DYTN: variants seen among roughly 807,000 people sequenced by gnomAD.
The protein encoded by DYTN is dystrotelin.
DYTN carries 75 observed loss-of-function variants against 69.6 expected under a neutral mutation model. The ratio of observed to expected loss-of-function variants is 1.08; its 90% CI spans 0.89 to 1.31. DYTN has a LOEUF of 1.31. Ranked by LOEUF, DYTN falls within the 50% of genes most tolerant of loss-of-function variation. The pLI is 0.00. For synonymous variants in DYTN, 252 were observed against 249.1 expected, an observed-to-expected ratio of 1.01 and a Z score of -0.11; for missense variants, 726 against 688.4, an observed-to-expected ratio of 1.05 and a Z score of -0.61.
intron 9 of DYTN, among the ~76,000 whole-genome samples, chr2:206,689,275 A>G (rs919408099): frequency 1.3e-5 from 2 of 152,236 alleles, no homozygotes; most frequent in African/African-American, 2.4e-5. Context: ...CATTGAACGA[A>G]TTCAATATTA....
At chr2:206,689,892 T>C (rs565387872) in intron 9 of DYTN, among the ~76,000 whole-genome samples, 1 of 152,344 alleles carries the variant, frequency 6.6e-6, no homozygotes, top group African/African-American at 2.4e-5. Context: ...AGTCAGTCAG[T>C]CATTCAACAA....
intron 5 of DYTN, among the ~76,000 whole-genome samples, chr2:206,702,820 A>T (rs1376237434): frequency 6.6e-6 from 1 of 152,196 alleles, no homozygotes; most frequent in African/African-American, 2.4e-5. Flanking sequence ...GCCTATAAAG[A>T]TGTGCATAAA....
intron 9 of DYTN, among the ~76,000 whole-genome samples, chr2:206,672,032 C>T (rs540450638): frequency 1.5e-4 from 23 of 152,192 alleles, no homozygotes; most frequent in African/African-American, 2.4e-4. Context: ...CAGGTGCATG[C>T]GCGTACACAC....
rs111237176 is a variant in DYTN, at chr2:206,703,893, C to A, written c.483+950G>T. 3.9e-3 allele frequency among the ~76,000 whole-genome samples: 587 copies of A among 152,286 alleles called. 2 individuals are homozygous for A. Among genetic ancestry groups the A allele is most frequent in the Middle Eastern group, 0.01 (3 of 294 alleles). On this transcript the variant is annotated intron_variant, in intron 5 of 11. Coordinates refer to ENST00000452335, the MANE Select transcript of DYTN (RefSeq NM_001093730.1). ...GTAAGGGTACAACAGGACAACAGCA[C>A]CCACACGCAAGACAATCCAGAGCCT...
At chr2:206,707,272 G>A in intron 3 of DYTN, 30 bp downstream of exon 3, 1 of 1,597,766 alleles carries the variant, frequency 6.3e-7, no homozygotes, top group South Asian at 1.1e-5. Flanking sequence ...CTTTGCCTTT[G>A]AGGTCACAGC....
chr2:206,672,197 T>C (rs1699636963), intron 9 of DYTN, among the ~76,000 whole-genome samples: 2 of 152,240 alleles, frequency 1.3e-5, no homozygotes, highest in Non-Finnish European at 2.9e-5. Flanking sequence ...TAACTTCTTA[T>C]ACGTCAAACA....
chr2:206,682,948 T>G (rs967613744), intron 9 of DYTN, among the ~76,000 whole-genome samples: 1 of 152,114 alleles, frequency 6.6e-6, no homozygotes, highest in Non-Finnish European at 1.5e-5. Context: ...TTAGCCCAAG[T>G]ATACAAGGAA....
chr2:206,716,024 G>T (rs913950306), intron 1 of DYTN, among the ~76,000 whole-genome samples: 3 of 152,142 alleles, frequency 2.0e-5, no homozygotes, highest in African/African-American at 7.2e-5. Context: ...GGAGTTGGAG[G>T]TTGCAGTGAG....
At chr2:206,698,420 G>C (rs1431652604) in intron 7 of DYTN, among the ~76,000 whole-genome samples, 5 of 152,126 alleles carry the variant, frequency 3.3e-5, no homozygotes, top group Admixed American at 2.0e-4. Flanking sequence ...AGGAAGCATG[G>C]GAAGGGAAGG....
At chr2:206,693,051 C>T in intron 9 of DYTN, 124 bp downstream of exon 9, 3 of 1,357,936 alleles carry the variant, frequency 2.2e-6, no homozygotes, top group Non-Finnish European at 2.9e-6. Flanking sequence ...GAAGTCCAAC[C>T]CTCACCCCTC....
At chr2:206,659,484 C>CAAAAAAAAAAAAAA (rs772861150) in intron 11 of DYTN, among the ~76,000 whole-genome samples, 7 of 64,574 alleles carry the variant, frequency 1.1e-4, no homozygotes, top group African/African-American at 3.4e-4. Flanking sequence ...CAACAATTCT[C>CAAAAAAAAAAAAAA]AAAAAAAAAA....
At chr2:206,699,932 C>T (rs780332404) in intron 6 of DYTN, 42 bp from the exon 7 acceptor site, 11 of 1,586,456 alleles carry the variant, frequency 6.9e-6, no homozygotes, top group Non-Finnish European at 9.4e-6. Flanking sequence ...TTAGGCACGA[C>T]TTGATATTTT....
At chr2:206,681,551 A>C (rs996327406) in intron 9 of DYTN, among the ~76,000 whole-genome samples, 2 of 152,128 alleles carry the variant, frequency 1.3e-5, no homozygotes, top group Non-Finnish European at 2.9e-5. Flanking sequence ...ACGTTCCATC[A>C]ATACCTAGTT....
chr2:206,688,609 A>G (rs186507366), intron 9 of DYTN, among the ~76,000 whole-genome samples: 4 of 152,312 alleles, frequency 2.6e-5, no homozygotes, highest in African/African-American at 9.6e-5. Context: ...AAAAAGCACC[A>G]GGAGTGTTAA....
chr2:206,710,884 G>A (rs1700073673), intron 1 of DYTN, among the ~76,000 whole-genome samples: 1 of 151,698 alleles, frequency 6.6e-6, no homozygotes, highest in African/African-American at 2.4e-5. Flanking sequence ...AAACAAACAG[G>A]ATAAAAAAAA....
At chr2:206,697,216 T>C (rs1428034774) in intron 7 of DYTN, among the ~76,000 whole-genome samples, 1 of 152,236 alleles carries the variant, frequency 6.6e-6, no homozygotes, top group African/African-American at 2.4e-5. Flanking sequence ...CCTACAGGTA[T>C]ATGAGAATGG....
intron 2 of DYTN, among the ~76,000 whole-genome samples, chr2:206,707,833 G>C (rs1700042395): frequency 1.3e-5 from 2 of 152,198 alleles, no homozygotes; most frequent in Admixed American, 1.3e-4. Context: ...TTCCAAGAAA[G>C]TTATGACACT....
At chr2:206,715,431 G>A (rs1700117674) in intron 1 of DYTN, among the ~76,000 whole-genome samples, 1 of 152,102 alleles carries the variant, frequency 6.6e-6, no homozygotes, top group Non-Finnish European at 1.5e-5. Context: ...GTATATATCA[G>A]GGCCAGTGTT....
chr2:206,671,280 GGCCATTTTAGGAACATTGTT>G, intron 9 of DYTN, among the ~76,000 whole-genome samples: 1 of 152,272 alleles, frequency 6.6e-6, no homozygotes, highest in South Asian at 2.1e-4. Flanking sequence ...AAGAGGGGCT[GGCCATTTTAGGAACATTGTT>G]GCACAGGAAC....
Sources: allele counts gnomAD v4.1 joint callset (sites outside exome capture counted in the v4.1 genomes callset), GRCh38; gene constraint gnomAD v4.1.1; transcripts MANE v1.5; gene names NCBI Gene and HGNC (gene_info 2026-07-23, HGNC 2026-07-21).